Variants in PHF21A observed in about 807,000 individuals in gnomAD.
The protein encoded by PHF21A is PHD finger protein 21A.
A neutral mutation model predicts 82.5 loss-of-function variants in PHF21A; 11 were observed. That is an observed-to-expected ratio of 0.13 (90% confidence interval 0.08 to 0.22). PHF21A has a LOEUF of 0.22. Among genes scored for constraint, PHF21A ranks in the 10% least tolerant of loss-of-function variants. The pLI is 1.00. For missense variants in PHF21A, 579 were observed against 837.8 expected (o/e 0.69, Z 3.81); for synonymous variants, 297 against 302.8 (o/e 0.98, Z 0.20).
chr11:46,103,761 T>C (rs1049728009), intron 1 of PHF21A, among the ~76,000 whole-genome samples: 4 of 152,164 alleles, frequency 2.6e-5, no homozygotes, highest in African/African-American at 4.8e-5. Flanking sequence ...AAAAAACATA[T>C]CAAGGATCAA....
At chr11:46,098,603 A>C (rs561120445) in intron 1 of PHF21A, among the ~76,000 whole-genome samples, 48 of 152,320 alleles carry the variant, frequency 3.2e-4, no homozygotes, top group African/African-American at 1.1e-3. Flanking sequence ...GAGTCTAATG[A>C]TCATAACGAA....
intron 1 of PHF21A, among the ~76,000 whole-genome samples, chr11:46,096,561 ATTT>A (rs1420687849): frequency 6.6e-6 from 1 of 151,270 alleles, no homozygotes; most frequent in African/African-American, 2.4e-5. Context: ...CCTCCTCAAA[ATTT>A]TTTTTCTCTT....
intron 6 of PHF21A, among the ~76,000 whole-genome samples, chr11:45,999,404 A>G (rs1285142528): frequency 6.6e-6 from 1 of 152,230 alleles, no homozygotes; most frequent in African/African-American, 2.4e-5. Context: ...ATAGGTCTCT[A>G]AACAGATAAA....
intron 6 of PHF21A, among the ~76,000 whole-genome samples, chr11:46,070,302 A>G (rs974976183): frequency 6.6e-6 from 1 of 152,154 alleles, no homozygotes; most frequent in African/African-American, 2.4e-5. Flanking sequence ...ATCTAATATT[A>G]TATTGAAAAG....
chr11:45,938,043 CG>C, intron 16 of PHF21A, 113 bp downstream of exon 16: 1 of 896,240 alleles, frequency 1.1e-6, no homozygotes, highest in Non-Finnish European at 1.7e-6. Flanking sequence ...AGATGCAGCC[CG>C]GAGACGGACT....
At chr11:46,107,035 A>C (rs2097159912) in intron 1 of PHF21A, among the ~76,000 whole-genome samples, 1 of 152,218 alleles carries the variant, frequency 6.6e-6, no homozygotes, top group African/African-American at 2.4e-5. Context: ...CCTCTTCTGC[A>C]GGAAGAATGG....
intron 6 of PHF21A, among the ~76,000 whole-genome samples, chr11:46,059,699 G>T (rs978023971): frequency 2.6e-5 from 4 of 152,084 alleles, no homozygotes; most frequent in South Asian, 2.1e-4. Context: ...TAGGATGACA[G>T]GCATAAGCCA....
chr11:45,942,761 T>A (rs917784839), intron 15 of PHF21A, among the ~76,000 whole-genome samples: 1 of 152,202 alleles, frequency 6.6e-6, no homozygotes, highest in Non-Finnish European at 1.5e-5. Context: ...AATATTCATA[T>A]GGTATTCTGC....
intron 6 of PHF21A, among the ~76,000 whole-genome samples, chr11:45,988,350 A>G (rs2094565617): frequency 6.6e-6 from 1 of 152,238 alleles, no homozygotes; most frequent in Non-Finnish European, 1.5e-5. Context: ...GAAAAAGACA[A>G]TAATATTAGA....
At chr11:46,117,750 T>C (rs1851756789) in intron 1 of PHF21A, among the ~76,000 whole-genome samples, 2 of 152,208 alleles carry the variant, frequency 1.3e-5, no homozygotes, top group South Asian at 2.1e-4. Context: ...AACATCCCAC[T>C]CATCAACACA....
At chr11:46,076,847 G>C in intron 5 of PHF21A, 28 bp from the exon 6 acceptor site, 2 of 1,547,162 alleles carry the variant, frequency 1.3e-6, no homozygotes, top group Non-Finnish European at 1.8e-6. Flanking sequence ...ATATCTGTGA[G>C]AAAGATATTT....
At chr11:46,037,057 T>C (rs1295796188) in intron 6 of PHF21A, among the ~76,000 whole-genome samples, 1 of 152,188 alleles carries the variant, frequency 6.6e-6, no homozygotes, top group Admixed American at 6.5e-5. Flanking sequence ...AGCTAGAATA[T>C]CCAGAATAAT....
intron 1 of PHF21A, among the ~76,000 whole-genome samples, chr11:46,102,856 T>C (rs1387585034): frequency 6.6e-6 from 1 of 152,200 alleles, no homozygotes; most frequent in Admixed American, 6.5e-5. Flanking sequence ...TAGCTCAGTA[T>C]CTCCCTGTTT....
chr11:45,965,579 G>A lies in PHF21A; in HGVS notation c.732C>T (p.Asn244=). The A allele has an allele frequency of 8.9e-6, 14 of 1,568,796 alleles. No individual in the cohort carries two copies. Among genetic ancestry groups the A allele is most frequent in the Non-Finnish European group, 1.2e-5 (14 of 1,155,138 alleles). ...GAGGTGGTGCTGGGGCAATAGGAAT[G>A]TTATTCTGGGCCACAGGCTTGGGTC... ...QVRPKPVAQN[N]IPIAPAPPPM... is the part of the protein sequence containing the mutation. The change falls in exon 10 of 19, where the codon AAC becomes AAT. Residue 244 remains asparagine, a synonymous_variant. Transcript: ENST00000676320.
intron 4 of PHF21A, among the ~76,000 whole-genome samples, chr11:46,082,558 T>G (rs2096805064): frequency 1.3e-5 from 2 of 152,186 alleles, no homozygotes. Flanking sequence ...GTATAAAGGA[T>G]GAATATAAAA....
chr11:45,957,861 T>C, intron 10 of PHF21A, among the ~76,000 whole-genome samples: 1 of 147,396 alleles, frequency 6.8e-6, no homozygotes, highest in East Asian at 2.0e-4. Flanking sequence ...TCGAAAAGAA[T>C]AACAAAATCG....
In PHF21A at chr11:45,965,357, T is replaced by C. The variant is rs1434390487; in HGVS notation, c.954A>G (p.Gly318=). ...GCTTGCTAAGCTGTACAGTTTGAGGTCCAGCGAGTCTGGTCCCTGGAGTAG... is the reference window on the plus strand; with the variant it reads ...GCTTGCTAAGCTGTACAGTTTGAGGCCCAGCGAGTCTGGTCCCTGGAGTAG... ...VIATPGTRLA[G]PQTVQLSKPS... is the part of the protein sequence containing the mutation. The change falls in exon 10 of 19, where the codon GGA becomes GGG. Residue 318 remains glycine, a synonymous_variant. Coordinates refer to ENST00000676320, the MANE Select transcript of PHF21A (RefSeq NM_001352027.3). 5 of 1,613,704 alleles carry C rather than the reference T, an allele frequency of 3.1e-6. No individual in the cohort carries two copies. Among genetic ancestry groups the C allele is most frequent in the Admixed American group, 3.3e-5 (2 of 59,964 alleles).
intron 1 of PHF21A, among the ~76,000 whole-genome samples, chr11:46,114,906 TTTAAG>T (rs1216068512): frequency 1.3e-5 from 2 of 152,284 alleles, no homozygotes; most frequent in African/African-American, 4.8e-5. Context: ...GGCTTCTGTG[TTTAAG>T]TTATTTTTCC....
intron 15 of PHF21A, among the ~76,000 whole-genome samples, chr11:45,939,025 G>T (rs2089792462): frequency 6.6e-6 from 1 of 152,096 alleles, no homozygotes; most frequent in Non-Finnish European, 1.5e-5. Flanking sequence ...AGTAGAGACG[G>T]GGTTTCACGT....
Sources: allele counts gnomAD v4.1 joint callset (sites outside exome capture counted in the v4.1 genomes callset), GRCh38; gene constraint gnomAD v4.1.1; transcripts MANE v1.5; gene names NCBI Gene and HGNC (gene_info 2026-07-23, HGNC 2026-07-21).